Variants in COX7A2L observed in about 807,000 individuals in gnomAD.
The protein encoded by COX7A2L is cytochrome c oxidase subunit 7A2 like.
Under a neutral mutation model 14.2 loss-of-function variants are expected in COX7A2L, and 18 were observed. The ratio of observed to expected loss-of-function variants is 1.27; its 90% CI spans 0.88 to 1.88. COX7A2L has a LOEUF of 1.88. Ranked by LOEUF, COX7A2L falls within the 40% of genes most tolerant of loss-of-function variation. The probability of loss-of-function intolerance (pLI) is 0.00; values close to 1 mark genes in which losing one functional copy is unlikely to be tolerated. For missense variants in COX7A2L, 179 were observed against 138.8 expected, an observed-to-expected ratio of 1.29 and a Z score of -1.46; for synonymous variants, 65 against 57.4, an observed-to-expected ratio of 1.13 and a Z score of -0.60.
In COX7A2L at chr2:42,351,367, G is replaced by T; in HGVS notation, c.205-8C>A. The T allele has an allele frequency of 6.2e-7, 1 of 1,611,786 alleles. No individual in the cohort carries two copies. Among genetic ancestry groups the T allele is most frequent in the African/African-American group, 1.3e-5 (1 of 74,906 alleles). ...GGGCACACCATCAGCTTTCTTGAAA[G>T]CAAGAATTAACAAGGGCATGGTTGA... On this transcript the variant is annotated splice_polypyrimidine_tract_variant and splice_region_variant and intron_variant, in intron 2 of 2. Coordinates refer to ENST00000234301, the MANE Select transcript of COX7A2L (RefSeq NM_004718.4).
upstream of COX7A2L, among the ~76,000 whole-genome samples, chr2:42,363,068 G>C (rs1405807993): frequency 6.6e-6 from 1 of 151,796 alleles, no homozygotes; most frequent in African/African-American, 2.4e-5. Context: ...TAGAGATGGG[G>C]TTTCACCATG....
At chr2:42,366,585 T>C (rs920765170) in intron 1 of COX7A2L, among the ~76,000 whole-genome samples, 10 of 152,200 alleles carry the variant, frequency 6.6e-5, no homozygotes, top group Non-Finnish European at 1.5e-4. Context: ...TTAAATAAGA[T>C]GGTATGTACT....
At chr2:42,352,936 T>C (rs951909368) in intron 2 of COX7A2L, 4 of 492,152 alleles carry the variant, frequency 8.1e-6, no homozygotes, top group Admixed American at 7.8e-5. Context: ...GGCTATTGCT[T>C]CTTCCATGCA....
intron 1 of COX7A2L, among the ~76,000 whole-genome samples, chr2:42,368,021 GGAA>G (rs1488612458): frequency 5.3e-5 from 8 of 152,166 alleles, no homozygotes; most frequent in Admixed American, 5.2e-4. Flanking sequence ...TCTCCCCCTG[GGAA>G]GAAGCAAGCA....
At chr2:42,347,081 G>C (rs1384548055), downstream of COX7A2L, among the ~76,000 whole-genome samples, 1 of 152,092 alleles carries the variant, frequency 6.6e-6, no homozygotes, top group Non-Finnish European at 1.5e-5. Flanking sequence ...GCCCAGGCTG[G>C]TCTTGAACTC....
chr2:42,361,203 C>T lies in COX7A2L; in HGVS notation c.-42G>A. ...CTTCCCGCATCCGCTGCCAACGCGA[C>T]CGCCCCAGAGAAGGACCCCGCCTCC... On this transcript the variant is annotated 5_prime_UTR_variant, in exon 1 of 3. Coordinates refer to ENST00000234301, the MANE Select transcript of COX7A2L (RefSeq NM_004718.4). 6.4e-7 allele frequency: 1 copy of T among 1,561,328 alleles called. No individual in the cohort carries two copies. The highest frequency in any genetic ancestry group is 8.7e-7 in the Non-Finnish European group (1 of 1,147,482).
chr2:42,354,790 C>A (rs1265994378), intron 1 of COX7A2L, among the ~76,000 whole-genome samples: 1 of 152,216 alleles, frequency 6.6e-6, no homozygotes, highest in African/African-American at 2.4e-5. Flanking sequence ...TAGAAATACA[C>A]AATGAATAAC....
chr2:42,357,050 C>T (rs1012740037), intron 1 of COX7A2L, among the ~76,000 whole-genome samples: 1 of 152,188 alleles, frequency 6.6e-6, no homozygotes, highest in African/African-American at 2.4e-5. Flanking sequence ...TCAACCTTAA[C>T]CACGTTTAGT....
At chr2:42,346,264 G>C (rs985628695), downstream of COX7A2L, among the ~76,000 whole-genome samples, 3 of 152,180 alleles carry the variant, frequency 2.0e-5, no homozygotes, top group African/African-American at 7.2e-5. Flanking sequence ...GAATTAAACA[G>C]CTGCATAATC....
At chr2:42,347,082 T>C (rs1300802937), downstream of COX7A2L, among the ~76,000 whole-genome samples, 1 of 152,104 alleles carries the variant, frequency 6.6e-6, no homozygotes, top group Non-Finnish European at 1.5e-5. Context: ...CCCAGGCTGG[T>C]CTTGAACTCC....
intron 1 of COX7A2L, among the ~76,000 whole-genome samples, chr2:42,367,431 G>GGA (rs2103923888): frequency 6.6e-6 from 1 of 152,218 alleles, no homozygotes; most frequent in African/African-American, 2.4e-5. Context: ...GGAGAGCTGG[G>GGA]GTCTTCTCCC....
upstream of COX7A2L, among the ~76,000 whole-genome samples, chr2:42,364,447 T>C (rs1225855138): frequency 6.6e-6 from 1 of 152,124 alleles, no homozygotes; most frequent in African/African-American, 2.4e-5. Context: ...GTTGTTTATG[T>C]CTACTCTCTC....
chr2:42,351,177 AG>A lies in COX7A2L; in HGVS notation c.*41del. On this transcript the variant is annotated 3_prime_UTR_variant, in exon 3 of 3. Transcript: ENST00000234301. ...TTTAACAATGAAAAAGGAACTTCAAAGGGTTTATGCCAAAAAACAAACCAGT... is the reference window on the plus strand; with the variant it reads ...TTTAACAATGAAAAAGGAACTTCAAAGGTTTATGCCAAAAAACAAACCAGT... 1.3e-6 allele frequency: 2 copies of A among 1,532,784 alleles called. No homozygotes were observed. The highest frequency in any genetic ancestry group is 2.6e-5 in the South Asian group (2 of 78,394). 94.9% of individuals were successfully genotyped at this position (1,532,784 alleles called of 1,614,324 possible).
intron 1 of COX7A2L, among the ~76,000 whole-genome samples, chr2:42,355,025 G>C (rs1670772534): frequency 6.6e-6 from 1 of 152,160 alleles, no homozygotes; most frequent in African/African-American, 2.4e-5. Flanking sequence ...AGCAAGTCAA[G>C]TTTTCAAACT....
chr2:42,350,815 C>A lies in COX7A2L; in HGVS notation c.*404G>T, dbSNP rs1456926077. The A allele has an allele frequency of 6.5e-6, 1 of 154,556 alleles. No individual in the cohort carries two copies. Among genetic ancestry groups the A allele is most frequent in the Non-Finnish European group, 1.4e-5 (1 of 69,744 alleles). 9.6% of individuals were successfully genotyped at this position (154,556 alleles called of 1,614,324 possible). A position where few individuals can be genotyped will look rare whatever the true frequency, so the allele number is the denominator to read the frequency against. On this transcript the variant is annotated 3_prime_UTR_variant, in exon 3 of 3. Transcript: ENST00000234301. ...GGTGACTAACTCAAACTCCTCATTT[C>A]ATGCACATGACCTTGGCTTCTGTGT...
chr2:42,367,576 T>G (rs1013054343), intron 1 of COX7A2L, among the ~76,000 whole-genome samples: 2 of 151,996 alleles, frequency 1.3e-5, no homozygotes, highest in African/African-American at 4.8e-5. Flanking sequence ...CTGGAGAGGG[T>G]ATGACATTCC....
At chr2:42,353,505 G>A (rs954642201) in intron 1 of COX7A2L, among the ~76,000 whole-genome samples, 162 bp from the exon 2 acceptor site, 4 of 152,188 alleles carry the variant, frequency 2.6e-5, no homozygotes, top group Admixed American at 6.5e-5. Context: ...TGCAGGGGGC[G>A]TGTGAGGGTC....
At chr2:42,353,603 T>C (rs1670721004) in intron 1 of COX7A2L, among the ~76,000 whole-genome samples, 1 of 152,214 alleles carries the variant, frequency 6.6e-6, no homozygotes, top group Non-Finnish European at 1.5e-5. Flanking sequence ...ATTTATAATC[T>C]GTTACGAACT....
intron 2 of COX7A2L, among the ~76,000 whole-genome samples, chr2:42,352,604 T>G (rs1670683403): frequency 6.6e-6 from 1 of 152,230 alleles, no homozygotes; most frequent in Non-Finnish European, 1.5e-5. Flanking sequence ...GGACTACTTT[T>G]GAGGAGGGGG....
Sources: gnomAD v4.1 joint callset for allele counts (sites outside exome capture counted in the v4.1 genomes callset) on GRCh38, gnomAD v4.1.1 for gene constraint, MANE v1.5 for transcripts, NCBI Gene and HGNC (gene_info 2026-07-23, HGNC 2026-07-21) for gene names.